TIAM1: variants seen among roughly 807,000 people sequenced by gnomAD.
The protein encoded by TIAM1 is rho guanine nucleotide exchange factor TIAM1.
Under a neutral mutation model 163.5 loss-of-function variants are expected in TIAM1, and 65 were observed. The observed-to-expected ratio is 0.40, with a 90% CI of 0.33 to 0.49. The LOEUF is 0.49. Among genes scored for constraint, TIAM1 ranks in the 20% least tolerant of loss-of-function variants. TIAM1 has a pLI of 0.77. For synonymous variants in TIAM1, 833 were observed against 810.1 expected, an observed-to-expected ratio of 1.03 and a Z score of -0.48; for missense variants, 1,789 against 2,044.7, an observed-to-expected ratio of 0.87 and a Z score of 2.41.
At chr21:31,380,622 T>C (rs2076762816) in intron 2 of TIAM1, among the ~76,000 whole-genome samples, 1 of 152,148 alleles carries the variant, frequency 6.6e-6, no homozygotes, top group Non-Finnish European at 1.5e-5. Flanking sequence ...TTTAAATGGA[T>C]GATTCGAAAG....
intron 6 of TIAM1, among the ~76,000 whole-genome samples, chr21:31,227,721 C>T (rs1457299485): frequency 6.6e-6 from 1 of 152,172 alleles, no homozygotes; most frequent in Non-Finnish European, 1.5e-5. Context: ...GTTGTCTCCT[C>T]TTTGCAGGTC....
intron 2 of TIAM1, among the ~76,000 whole-genome samples, chr21:31,313,299 G>A (rs1384862114): frequency 2.0e-5 from 3 of 152,164 alleles, no homozygotes; most frequent in Admixed American, 6.5e-5. Flanking sequence ...GAGGGGGATG[G>A]GGGTGAGGAG....
intron 2 of TIAM1, among the ~76,000 whole-genome samples, chr21:31,425,584 CTT>C (rs533484712): frequency 7.3e-5 from 10 of 137,724 alleles, no homozygotes; most frequent in African/African-American, 1.4e-4. Flanking sequence ...CCAGGGACTG[CTT>C]TTTTTTTTTT....
intron 1 of TIAM1, among the ~76,000 whole-genome samples, chr21:31,490,451 TAATA>T (rs1012863649): frequency 3.9e-5 from 6 of 152,094 alleles, no homozygotes; most frequent in Admixed American, 1.3e-4. Context: ...ATAATAATAA[TAATA>T]AATGCCTAGT....
rs1259712246 is a variant in TIAM1, at chr21:31,213,379, AAC to A, written c.2217+17_2217+18del. On this transcript the variant is annotated intron_variant, in intron 10 of 27. Coordinates refer to ENST00000541036, the MANE Select transcript of TIAM1 (RefSeq NM_001353694.2). ...CACTTGTGGTACTTTTAGAAAAGAA[AAC>A]ACACGTTTATTTTTACCTTGCCATC... The A allele has an allele frequency of 3.7e-6, 6 of 1,604,142 alleles. No individual in the cohort carries two copies. Among genetic ancestry groups the A allele is most frequent in the African/African-American group, 1.3e-5 (1 of 74,206 alleles).
At chr21:31,343,486 A>C (rs2076078842) in intron 1 of TIAM1, among the ~76,000 whole-genome samples, 1 of 152,180 alleles carries the variant, frequency 6.6e-6, no homozygotes, top group Admixed American at 6.5e-5. Context: ...AAAGACAGAC[A>C]TTTAAAAAAA....
intron 2 of TIAM1, among the ~76,000 whole-genome samples, chr21:31,364,467 C>T (rs1413102371): frequency 6.6e-6 from 1 of 152,184 alleles, no homozygotes; most frequent in Non-Finnish European, 1.5e-5. Flanking sequence ...GAATGAGCCC[C>T]CAGCAACTGA....
chr21:31,385,715 T>G lies in TIAM1; in HGVS notation c.-368-46293A>C, dbSNP rs1382692321. Among the ~76,000 whole-genome samples the G allele has an allele frequency of 7.2e-5, 9 of 124,476 alleles. No homozygotes were observed. The South Asian group carries it at 1.5e-3, about 20-fold the overall frequency. The allele number at this position is 124,476 out of a possible 152,430, so 81.7% of individuals were successfully genotyped here. A position where few individuals can be genotyped will look rare whatever the true frequency, so the allele number is the denominator to read the frequency against. ...TTAAAAAATATACTGCACTGGAAGATTTAAAAAAAAAAAAAAATGTACCCT... is the reference window on the plus strand; with the variant it reads ...TTAAAAAATATACTGCACTGGAAGAGTTAAAAAAAAAAAAAAATGTACCCT... On this transcript the variant is annotated intron_variant, in intron 2 of 28. Coordinates refer to the TIAM1 transcript ENST00000286827.
intron 16 of TIAM1, among the ~76,000 whole-genome samples, chr21:31,161,834 A>G (rs958983639): frequency 2.6e-5 from 4 of 152,254 alleles, no homozygotes; most frequent in Non-Finnish European, 2.9e-5. Context: ...TTTTCAGCTT[A>G]TTCTCAAGAA....
rs1272510285 is a variant in TIAM1, at chr21:31,124,516, C to T, written c.4306+6G>A. On this transcript the variant is annotated splice_donor_region_variant and intron_variant, in intron 27 of 27. Coordinates refer to ENST00000541036, the MANE Select transcript of TIAM1 (RefSeq NM_001353694.2). Reference sequence around the variant, plus strand: ...GGAATCTTGAACGTCCGAATCCCCACAGTACCTGCCCTGCTCATGGCCGGC... The same window carrying T: ...GGAATCTTGAACGTCCGAATCCCCATAGTACCTGCCCTGCTCATGGCCGGC... The T allele has an allele frequency of 1.9e-6, 3 of 1,612,268 alleles. No individual in the cohort carries two copies. Among genetic ancestry groups the T allele is most frequent in the Non-Finnish European group, 2.5e-6 (3 of 1,179,762 alleles).
chr21:31,313,792 A>T (rs1290769009), intron 2 of TIAM1, among the ~76,000 whole-genome samples: 1 of 152,106 alleles, frequency 6.6e-6, no homozygotes, highest in African/African-American at 2.4e-5. Context: ...GGCCAGGCTG[A>T]TCTCAAACTC....
chr21:31,276,657 C>T (rs1467710480), intron 3 of TIAM1, 75 bp downstream of exon 3: 1 of 152,240 alleles, frequency 6.6e-6, no homozygotes, highest in African/African-American at 2.4e-5. Flanking sequence ...TAAAACGTAT[C>T]TGTCCCACCA....
intron 1 of TIAM1, among the ~76,000 whole-genome samples, chr21:31,511,954 G>C (rs1425743329): frequency 2.0e-5 from 3 of 152,220 alleles, no homozygotes; most frequent in Non-Finnish European, 2.9e-5. Flanking sequence ...GGGCACGAAG[G>C]AGAGTGGCAG....
chr21:31,453,770 T>C (rs2044976585), intron 2 of TIAM1, among the ~76,000 whole-genome samples: 1 of 144,944 alleles, frequency 6.9e-6, no homozygotes, highest in African/African-American at 2.6e-5. Context: ...TGCAGTAGAA[T>C]GAATACATTT....
chr21:31,135,851 T>C, intron 23 of TIAM1, 82 bp downstream of exon 23: 1 of 1,284,600 alleles, frequency 7.8e-7, no homozygotes, highest in Non-Finnish European at 1.1e-6. Flanking sequence ...TTTAATCAAT[T>C]GGGTCTTGAA....
chr21:31,394,148 C>T (rs987648383), intron 2 of TIAM1, among the ~76,000 whole-genome samples: 2 of 152,114 alleles, frequency 1.3e-5, no homozygotes, highest in Admixed American at 1.3e-4. Flanking sequence ...TGGTATATCA[C>T]ACAAAGGAAT....
At chr21:31,236,327 C>T in intron 6 of TIAM1, among the ~76,000 whole-genome samples, 1 of 152,176 alleles carries the variant, frequency 6.6e-6, no homozygotes, top group East Asian at 1.9e-4. Context: ...CCCTTCACAA[C>T]TAATCCATGC....
At chr21:31,370,558 G>T (rs546586920) in intron 2 of TIAM1, among the ~76,000 whole-genome samples, 1 of 152,166 alleles carries the variant, frequency 6.6e-6, no homozygotes, top group Admixed American at 6.5e-5. Flanking sequence ...CCTGAAGGTG[G>T]GTGATGAGTA....
chr21:31,418,964 C>T (rs2043471161), intron 2 of TIAM1, among the ~76,000 whole-genome samples: 1 of 152,138 alleles, frequency 6.6e-6, no homozygotes. Context: ...GCCCAGTAAT[C>T]CTAGGTTGAA....
Sources: gnomAD v4.1 joint callset for allele counts (sites outside exome capture counted in the v4.1 genomes callset) on GRCh38, gnomAD v4.1.1 for gene constraint, MANE v1.5 for transcripts, NCBI Gene and HGNC (gene_info 2026-07-23, HGNC 2026-07-21) for gene names.